C5: variants seen among roughly 807,000 people sequenced by gnomAD.
C5 encodes complement C5.
Under a neutral mutation model 218.8 loss-of-function variants are expected in C5, and 140 were observed. That is an observed-to-expected ratio of 0.64 (90% CI 0.56 to 0.74). C5 has a LOEUF of 0.74. Ranked by LOEUF, C5 falls within the 30% of genes least tolerant of loss-of-function variation. The probability of loss-of-function intolerance (pLI) is 0.00; values close to 1 mark genes in which losing one functional copy is unlikely to be tolerated. For synonymous variants in C5, 614 were observed against 682.3 expected (o/e 0.90, Z 1.56); for missense variants, 1,700 against 1,969.6 (o/e 0.86, Z 2.59).
At chr9:121,008,053 T>G (rs1483526085) in intron 18 of C5, among the ~76,000 whole-genome samples, 2 of 152,110 alleles carry the variant, frequency 1.3e-5, no homozygotes, top group Admixed American at 1.3e-4. Flanking sequence ...AAAAGAAAAC[T>G]TTTCTTCCTG....
rs1357323780 is a variant in C5 at position 120,976,894 on chromosome 9, T to C, written c.3670A>G (p.Ile1224Val). 18 of 1,613,596 alleles carry C rather than the reference T, an allele frequency of 1.1e-5. No homozygotes were observed. The highest frequency in any genetic ancestry group is 1.5e-5 in the Non-Finnish European group (18 of 1,179,606). ...AGATTGTCTTTCCAAAAACGATAAA[T>C]GGGTGGATTACCTGAACATCAACAA... The part of the protein sequence containing the change: ...REALVKGNPP[I>V]YRFWKDNLQH... Residue 1224 changes from isoleucine (I) to valine (V), a missense_variant, in exon 29 of 41, where the codon ATT becomes GTT. By Grantham distance (29) the Ile-to-Val change is conservative (BLOSUM62 3). Transcript: ENST00000223642.
intron 38 of C5, 34 bp downstream of exon 38, chr9:120,960,214 G>T: frequency 7.5e-7 from 1 of 1,338,792 alleles, no homozygotes; most frequent in Non-Finnish European, 1.1e-6. Context: ...AAAATTTCAT[G>T]TTTAAAGGAG....
the C5 span, among the ~76,000 whole-genome samples, chr9:121,070,565 T>G: frequency 1.3e-5 from 2 of 151,650 alleles, no homozygotes; most frequent in African/African-American, 4.9e-5. Flanking sequence ...TGAAATACTG[T>G]AATTCACAGC....
chr9:121,023,815 CT>C, intron 9 of C5, among the ~76,000 whole-genome samples: 1 of 152,134 alleles, frequency 6.6e-6, no homozygotes, highest in Non-Finnish European at 1.5e-5. Context: ...AGGGACACCA[CT>C]TTTCATCAGT....
At chr9:120,995,082 G>A (rs546231866) in intron 22 of C5, among the ~76,000 whole-genome samples, 1 of 152,238 alleles carries the variant, frequency 6.6e-6, no homozygotes, top group Non-Finnish European at 1.5e-5. Context: ...AAAAATTGGA[G>A]AAACAAGTAA....
chr9:121,034,537 G>C (rs987855117), intron 5 of C5, among the ~76,000 whole-genome samples: 4 of 152,148 alleles, frequency 2.6e-5, no homozygotes, highest in Non-Finnish European at 4.4e-5. Context: ...TGAGGGGTAG[G>C]AGTTGATGTT....
In C5 at chr9:121,050,186, G is replaced by T. The variant is rs1389350292; in HGVS notation, c.61C>A (p.Gln21Lys). 1 of 1,611,446 alleles carries T rather than the reference G, an allele frequency of 6.2e-7. No homozygotes were observed. Among genetic ancestry groups the T allele is most frequent in the African/African-American group, 1.3e-5 (1 of 74,858 alleles). ...IFLGKTWGQE[Q>K]TYVISAPKIF... ...AAGATAGCTTGTTTTACTTACGTTT[G>T]CTCCTGTCCCCAGGTTTTCCCCAGG... Residue 21 changes from glutamine (Q) to lysine (K), a missense_variant, in exon 1 of 41, where the codon CAA (glutamine) becomes AAA (lysine). Physicochemically the swap from Gln to Lys is moderately conservative, Grantham distance 53. Transcript: ENST00000223642.
chr9:121,027,934 A>C (rs2047439040), intron 7 of C5, among the ~76,000 whole-genome samples: 1 of 152,220 alleles, frequency 6.6e-6, no homozygotes, highest in Non-Finnish European at 1.5e-5. Flanking sequence ...AAATTTTTGC[A>C]ATCTACCCAT....
chr9:121,043,272 T>C (rs1474286054), intron 2 of C5, 106 bp from the exon 3 acceptor site: 4 of 962,314 alleles, frequency 4.2e-6, no homozygotes, highest in Admixed American at 2.3e-5. Flanking sequence ...AGTATGTATA[T>C]GTAATCATTT....
intron 20 of C5, among the ~76,000 whole-genome samples, chr9:121,004,365 G>A (rs1393161850): frequency 6.6e-6 from 1 of 151,872 alleles, no homozygotes; most frequent in African/African-American, 2.4e-5. Context: ...GTTCATTAAA[G>A]TATAATAAGG....
the C5 span, among the ~76,000 whole-genome samples, chr9:121,065,763 C>G: frequency 6.6e-6 from 1 of 152,276 alleles, no homozygotes; most frequent in African/African-American, 2.4e-5. Flanking sequence ...GCTGAGATTA[C>G]AGGTGTGAGC....
chr9:120,983,846 C>T (rs532577163), intron 25 of C5, among the ~76,000 whole-genome samples: 145 of 152,124 alleles, frequency 9.5e-4, no homozygotes, highest in African/African-American at 3.4e-3. Context: ...TATGAAAAGT[C>T]TCCTTCTAGC....
chr9:121,056,565 G>A, the C5 span, among the ~76,000 whole-genome samples: 1 of 152,040 alleles, frequency 6.6e-6, no homozygotes, highest in Non-Finnish European at 1.5e-5. Context: ...CTTGGAGATA[G>A]AAAATTCAAT....
At chr9:120,962,191 A>G (rs1314879858) in intron 36 of C5, among the ~76,000 whole-genome samples, 1 of 152,238 alleles carries the variant, frequency 6.6e-6, no homozygotes, top group African/African-American at 2.4e-5. Flanking sequence ...TGCGTTAGAT[A>G]CTAGGGACAC....
chr9:121,052,164 T>C (rs1427474069), upstream of C5, among the ~76,000 whole-genome samples: 2 of 152,018 alleles, frequency 1.3e-5, no homozygotes, highest in Non-Finnish European at 2.9e-5. Flanking sequence ...GGCTCACAGA[T>C]GAACTTTTGA....
chr9:121,007,900 T>C (rs531973072), intron 18 of C5, among the ~76,000 whole-genome samples: 101 of 152,286 alleles, frequency 6.6e-4, no homozygotes, highest in African/African-American at 2.3e-3. Context: ...CTGCAGGCCT[T>C]TGAACTCATT....
At chr9:121,044,377 G>A (rs1057144596) in intron 2 of C5, among the ~76,000 whole-genome samples, 2 of 152,198 alleles carry the variant, frequency 1.3e-5, no homozygotes, top group African/African-American at 4.8e-5. Context: ...TTGAGAGGCT[G>A]AGGTGGGAGA....
chr9:121,046,249 G>A lies in C5; in HGVS notation c.200C>T (p.Ser67Phe). The change falls in exon 2 of 41, where the codon TCC (serine) becomes TTC (phenylalanine). Residue 67 changes from serine to phenylalanine, a missense_variant. By Grantham distance (155) the Ser-to-Phe change is radical (BLOSUM62 -2). Transcript: ENST00000223642. ...TGAGGATAAATGAACATGGCCTGAG[G>A]AGTAACTAAATTTTTTATCAGGATA... ...KSYPDKKFSY[S>F]SGHVHLSSEN... The A allele has an allele frequency of 6.2e-7, 1 of 1,607,582 alleles. No individual in the cohort carries two copies. Among genetic ancestry groups the A allele is most frequent in the Non-Finnish European group, 8.5e-7 (1 of 1,174,742 alleles).
chr9:121,045,801 T>A (rs746212187), intron 2 of C5, among the ~76,000 whole-genome samples: 5 of 152,186 alleles, frequency 3.3e-5, no homozygotes, highest in Non-Finnish European at 7.4e-5. Context: ...TTCAATCGAA[T>A]GTTCAATAAT....
Sources: gnomAD v4.1 joint callset for allele counts (sites outside exome capture counted in the v4.1 genomes callset) on GRCh38, gnomAD v4.1.1 for gene constraint, MANE v1.5 for transcripts, NCBI Gene and HGNC (gene_info 2026-07-23, HGNC 2026-07-21) for gene names.